Variants in TRAPPC8 observed in about 807,000 individuals in gnomAD.
TRAPPC8 encodes trafficking protein particle complex subunit 8.
Under a neutral mutation model 174.3 loss-of-function variants are expected in TRAPPC8, and 54 were observed. The observed-to-expected ratio is 0.31, with a 90% CI of 0.25 to 0.39. The LOEUF (loss-of-function observed/expected upper bound fraction) is 0.39. Among genes scored for constraint, TRAPPC8 ranks in the 10% least tolerant of loss-of-function variants. The pLI, the probability that TRAPPC8 is intolerant of heterozygous loss-of-function variation, is 1.00. For missense variants in TRAPPC8, 1,531 were observed against 1,699.1 expected (o/e 0.90, Z 1.74); for synonymous variants, 630 against 579.9 (o/e 1.09, Z -1.24).
At chr18:31,917,504 CT>C (rs1235467166) in intron 3 of TRAPPC8, 73 bp downstream of exon 3, 2 of 1,372,608 alleles carry the variant, frequency 1.5e-6, no homozygotes, top group Non-Finnish European at 2.0e-6. Context: ...ACAATTTTGC[CT>C]TCATTAACTA....
At chr18:31,909,471 C>G (rs1381279698) in intron 6 of TRAPPC8, 196 bp downstream of exon 6, 3 of 746,708 alleles carry the variant, frequency 4.0e-6, no homozygotes, top group Non-Finnish European at 4.9e-6. Context: ...ATACACTACT[C>G]ATATAAAACA....
At chr18:31,918,456 A>G (rs1047741195) in intron 2 of TRAPPC8, among the ~76,000 whole-genome samples, 2 of 152,180 alleles carry the variant, frequency 1.3e-5, no homozygotes, top group African/African-American at 4.8e-5. Context: ...CCCAGGAAAC[A>G]TCTGGCAACG....
intron 25 of TRAPPC8, among the ~76,000 whole-genome samples, chr18:31,847,288 TG>T (rs1273136392): frequency 2.6e-5 from 4 of 152,184 alleles, no homozygotes; most frequent in African/African-American, 9.7e-5. Flanking sequence ...TAAATACATA[TG>T]CTTTAAAAAA....
chr18:31,926,805 A>C (rs998924955), intron 2 of TRAPPC8, among the ~76,000 whole-genome samples: 1 of 152,246 alleles, frequency 6.6e-6, no homozygotes, highest in Non-Finnish European at 1.5e-5. Context: ...GCAGTGAAGA[A>C]GTGAATGACA....
chr18:31,857,515 A>AT lies in TRAPPC8; in HGVS notation c.3188+24dup, dbSNP rs747267977. On this transcript the variant is annotated intron_variant, in intron 20 of 28. Coordinates refer to ENST00000283351, the MANE Select transcript of TRAPPC8 (RefSeq NM_014939.5). ...CATATACATTGAACATAGATGTTAA[A>AT]TTTTATAAGTTTTATAATACTAACC... 3.9e-6 allele frequency: 6 copies of AT among 1,529,236 alleles called. No individual in the cohort carries two copies. In the South Asian group the frequency reaches 7.8e-5, roughly 20 times the overall value. 94.7% of individuals were successfully genotyped at this position (1,529,236 alleles called of 1,614,324 possible). A position where few individuals can be genotyped will look rare whatever the true frequency, so the allele number is the denominator to read the frequency against.
At chr18:31,846,687 G>T in intron 26 of TRAPPC8, 29 bp downstream of exon 26, 1 of 1,520,126 alleles carries the variant, frequency 6.6e-7, no homozygotes, top group South Asian at 1.3e-5. Context: ...AAGTTCACCA[G>T]AAAGCTCCAA....
At chr18:31,842,964 T>C (rs1316982264) in intron 26 of TRAPPC8, among the ~76,000 whole-genome samples, 3 of 152,170 alleles carry the variant, frequency 2.0e-5, no homozygotes, top group Non-Finnish European at 4.4e-5. Flanking sequence ...ATCCATTACA[T>C]AGTTTTTTTT....
At chr18:31,919,109 G>C (rs1193016142) in intron 2 of TRAPPC8, among the ~76,000 whole-genome samples, 4 of 152,150 alleles carry the variant, frequency 2.6e-5, no homozygotes, top group Admixed American at 2.0e-4. Context: ...TTTAACTCCA[G>C]CAAATGCCTC....
At position 31,855,726 on chromosome 18, in the gene TRAPPC8, A is replaced by G; in HGVS notation, c.3270T>C (p.Ser1090=). The G allele has an allele frequency of 1.9e-6, 3 of 1,612,424 alleles. No homozygotes were observed. The highest frequency in any genetic ancestry group is 2.7e-5 in the African/African-American group (2 of 74,844). Residue 1090 remains serine, a synonymous_variant, in exon 21 of 29, where the codon TCT becomes TCC. Coordinates refer to ENST00000283351, the MANE Select transcript of TRAPPC8 (RefSeq NM_014939.5). The part of the protein sequence containing the change: ...NVRATVCRSN[S]LENEEGRGGN... ...CTCCTCTGCCTTCTTCATTTTCAAG[A>G]GAATTACTTCTGCAGACAGTGGCCC... is the stretch of plus-strand genomic sequence containing the variant.
intron 27 of TRAPPC8, among the ~76,000 whole-genome samples, chr18:31,834,390 G>A (rs1324160831): frequency 6.6e-6 from 1 of 152,296 alleles, no homozygotes; most frequent in East Asian, 1.9e-4. Flanking sequence ...GATTACAGGT[G>A]TGTGCCACCA....
chr18:31,862,781 T>C (rs779820112), intron 19 of TRAPPC8, among the ~76,000 whole-genome samples: 1 of 151,900 alleles, frequency 6.6e-6, no homozygotes, highest in East Asian at 1.9e-4. Flanking sequence ...AGAAAGGAAA[T>C]AACATCCAAT....
At chr18:31,921,789 G>A (rs534577795) in intron 2 of TRAPPC8, among the ~76,000 whole-genome samples, 8 of 152,018 alleles carry the variant, frequency 5.3e-5, no homozygotes, top group Non-Finnish European at 8.8e-5. Context: ...CGATTTTCTT[G>A]TATCTGGGTT....
Position 31,872,010 on chromosome 18 carries a change from G to A in TRAPPC8, c.2063-890C>T, listed in dbSNP as rs2034889133. Among the ~76,000 whole-genome samples the A allele has an allele frequency of 2.0e-5, 3 of 151,998 alleles. No individual in the cohort carries two copies. The South Asian group carries it at 6.2e-4, about 32-fold the overall frequency. On this transcript the variant is annotated intron_variant, in intron 14 of 28. Coordinates refer to ENST00000283351, the MANE Select transcript of TRAPPC8 (RefSeq NM_014939.5). Reference sequence around the variant, plus strand: ...ATTTGTATAGATTTAGGGGGTACAAGTTATGTTTTGTTATACAGACATATT... The same window carrying A: ...ATTTGTATAGATTTAGGGGGTACAAATTATGTTTTGTTATACAGACATATT...
intron 2 of TRAPPC8, 81 bp from the exon 3 acceptor site, chr18:31,917,748 C>G (rs1031271426): frequency 7.6e-7 from 1 of 1,313,226 alleles, no homozygotes; most frequent in Admixed American, 2.3e-5. Flanking sequence ...GTCCATATTC[C>G]TAAAAGGTAT....
At chr18:31,841,454 A>G (rs1177419539) in intron 26 of TRAPPC8, among the ~76,000 whole-genome samples, 2 of 152,250 alleles carry the variant, frequency 1.3e-5, no homozygotes, top group African/African-American at 4.8e-5. Context: ...ACTATCTGAT[A>G]CAATGTAATA....
chr18:31,877,003 C>T (rs2035187742), intron 12 of TRAPPC8, among the ~76,000 whole-genome samples: 1 of 152,222 alleles, frequency 6.6e-6, no homozygotes, highest in Admixed American at 6.5e-5. Context: ...GTGACATTAG[C>T]AAGTTTAGGA....
At chr18:31,908,581 TAAGCC>T (rs2036765598) in intron 7 of TRAPPC8, among the ~76,000 whole-genome samples, 163 bp from the exon 8 acceptor site, 27 of 152,200 alleles carry the variant, frequency 1.8e-4, no homozygotes, top group Admixed American at 1.7e-3. Context: ...TGAAAATGAA[TAAGCC>T]TCTTCTAGAG....
intron 19 of TRAPPC8, among the ~76,000 whole-genome samples, chr18:31,858,558 T>G (rs2034155889): frequency 6.6e-6 from 1 of 152,230 alleles, no homozygotes; most frequent in African/African-American, 2.4e-5. Context: ...CTTTCCCATT[T>G]AGTGTGATAT....
At chr18:31,893,411 G>A (rs1031710318) in intron 11 of TRAPPC8, among the ~76,000 whole-genome samples, 11 of 151,876 alleles carry the variant, frequency 7.2e-5, no homozygotes, top group Admixed American at 2.0e-4. Flanking sequence ...GTGCGCGCGC[G>A]CGTGTGCCTG....
Sources: gnomAD v4.1 joint callset for allele counts (sites outside exome capture counted in the v4.1 genomes callset) on GRCh38, gnomAD v4.1.1 for gene constraint, MANE v1.5 for transcripts, NCBI Gene and HGNC (gene_info 2026-07-23, HGNC 2026-07-21) for gene names.